Variants in DENND2B observed in about 807,000 individuals in gnomAD.
DENND2B encodes the protein DENN domain containing 2B.
A neutral mutation model predicts 116.0 loss-of-function variants in DENND2B; 32 were observed. That is an observed-to-expected ratio of 0.28 (90% CI 0.21 to 0.37). DENND2B has a LOEUF of 0.37. Ranked by LOEUF, DENND2B falls within the 10% of genes least tolerant of loss-of-function variation. DENND2B has a pLI of 1.00. For synonymous variants in DENND2B, 588 were observed against 583.9 expected (o/e 1.01, Z -0.10); for missense variants, 1,276 against 1,477.7 (o/e 0.86, Z 2.24).
chr11:8,811,214 C>G (rs1198420262), upstream of DENND2B: 2 of 398,582 alleles, frequency 5.0e-6, no homozygotes, highest in Non-Finnish European at 8.8e-6. Context: ...ACTCACATCC[C>G]AGGAGCTCGC....
intron 1 of DENND2B, among the ~76,000 whole-genome samples, chr11:8,806,628 A>ACACACACACACACC (rs2060873472): frequency 6.6e-6 from 1 of 151,646 alleles, no homozygotes; most frequent in Non-Finnish European, 1.5e-5. Flanking sequence ...ACACACACAC[A>ACACACACACACACC]CACACACACA....
upstream of DENND2B, among the ~76,000 whole-genome samples, chr11:8,812,762 T>C (rs1594063983): frequency 6.6e-6 from 1 of 152,282 alleles, no homozygotes; most frequent in East Asian, 1.9e-4. Flanking sequence ...ATGCTGTCCG[T>C]GAAAGCACTC....
At chr11:8,697,485 G>T in intron 17 of DENND2B, 40 bp downstream of exon 17, 1 of 1,518,474 alleles carries the variant, frequency 6.6e-7, no homozygotes, top group Non-Finnish European at 9.1e-7. Context: ...AGCAGAGGGA[G>T]CCTGGAGCAG....
intron 4 of DENND2B, among the ~76,000 whole-genome samples, chr11:8,836,413 CT>C (rs67181023): frequency 0.46 from 35,402 of 76,504 alleles, 7,754 homozygotes; most frequent in Middle Eastern, 0.62. Context: ...TTCTGTACTT[CT>C]TTTTTTTTTT....
intron 4 of DENND2B, chr11:8,835,583 T>C (rs1277632769): frequency 6.6e-6 from 1 of 152,142 alleles, no homozygotes; most frequent in Non-Finnish European, 1.5e-5. Context: ...AGGATGTGAG[T>C]AGGATCTGAA....
At chr11:8,807,183 C>G (rs774426571) in intron 1 of DENND2B, among the ~76,000 whole-genome samples, 7 of 152,174 alleles carry the variant, frequency 4.6e-5, no homozygotes, top group Non-Finnish European at 8.8e-5. Flanking sequence ...TTAGGCCCAA[C>G]GATGGAAATG....
intron 14 of DENND2B, among the ~76,000 whole-genome samples, chr11:8,701,146 C>T (rs932546835): frequency 3.9e-5 from 6 of 152,142 alleles, no homozygotes; most frequent in African/African-American, 1.4e-4. Context: ...CTCTTAGAGC[C>T]AGGCAGGCAA....
chr11:8,893,974 A>G (rs1270440564), intron 1 of DENND2B, among the ~76,000 whole-genome samples: 5 of 151,456 alleles, frequency 3.3e-5, no homozygotes, highest in Non-Finnish European at 7.4e-5. Context: ...AGCTGGAGGC[A>G]TCATGCTACC....
chr11:8,833,805 T>C (rs1331798420), intron 4 of DENND2B, among the ~76,000 whole-genome samples: 2 of 152,146 alleles, frequency 1.3e-5, no homozygotes, highest in African/African-American at 4.8e-5. Context: ...AACATGTCTG[T>C]CTCCCAGCCC....
intron 1 of DENND2B, among the ~76,000 whole-genome samples, chr11:8,907,458 T>C (rs1005294418): frequency 6.6e-6 from 1 of 152,236 alleles, no homozygotes; most frequent in Non-Finnish European, 1.5e-5. Context: ...GTTTACAGGA[T>C]GAATCTTTAA....
intron 4 of DENND2B, among the ~76,000 whole-genome samples, chr11:8,823,281 G>A (rs13377459): frequency 0.24 from 36,608 of 152,044 alleles, 4,764 homozygotes; most frequent in East Asian, 0.34. Context: ...GAGATGCACC[G>A]GCAGCTGGAT....
At chr11:8,734,791 C>CAAAAA (rs11339783) in intron 2 of DENND2B, among the ~76,000 whole-genome samples, 42 of 98,368 alleles carry the variant, frequency 4.3e-4, no homozygotes, top group Non-Finnish European at 5.7e-4. Context: ...ACAAGAGTCT[C>CAAAAA]AAAAAAAAAA....
At chr11:8,894,383 C>A (rs1054522878) in intron 1 of DENND2B, among the ~76,000 whole-genome samples, 4 of 151,976 alleles carry the variant, frequency 2.6e-5, no homozygotes, top group African/African-American at 9.7e-5. Flanking sequence ...GCAACAAAAG[C>A]GAAAATTGAC....
chr11:8,861,217 C>A (rs753896186), intron 2 of DENND2B, among the ~76,000 whole-genome samples: 2 of 152,018 alleles, frequency 1.3e-5, no homozygotes, highest in Non-Finnish European at 2.9e-5. Context: ...GGCTTCTGCA[C>A]AGCAAAAGAA....
intron 1 of DENND2B, chr11:8,895,620 A>AT (rs2064092240): frequency 6.6e-6 from 1 of 152,196 alleles, no homozygotes. Context: ...TGTTTAACGA[A>AT]TACAGAGTTT....
At chr11:8,874,765 A>T (rs2063824654), upstream of DENND2B, among the ~76,000 whole-genome samples, 1 of 152,016 alleles carries the variant, frequency 6.6e-6, no homozygotes. Flanking sequence ...TTAAAAAAAA[A>T]AAAAAATTAG....
At chr11:8,753,444 C>T (rs2134064285) in intron 1 of DENND2B, among the ~76,000 whole-genome samples, 1 of 152,154 alleles carries the variant, frequency 6.6e-6, no homozygotes, top group Middle Eastern at 3.4e-3. Context: ...ATACCATATT[C>T]ATGGATCAGA....
At position 8,713,978 on chromosome 11, in the gene DENND2B, T is replaced by C. The variant is rs2044261228; in HGVS notation, c.1987+20A>G. On this transcript the variant is annotated intron_variant, in intron 8 of 19. Coordinates refer to ENST00000313726, the MANE Select transcript of DENND2B (RefSeq NM_213618.2). ...AGCCCTGCTGGGAGAGCTTCCGTAC[T>C]CATGGGAGCTGTGCCTCACCTTTGA... is the stretch of plus-strand genomic sequence containing the variant. 3.1e-6 allele frequency: 5 copies of C among 1,613,746 alleles called. No homozygotes were observed. In the East Asian group the frequency reaches 1.1e-4, roughly 36 times the overall value.
At chr11:8,758,956 T>C (rs2054098720) in intron 1 of DENND2B, among the ~76,000 whole-genome samples, 1 of 152,188 alleles carries the variant, frequency 6.6e-6, no homozygotes. Context: ...CCTGGCTGCT[T>C]GAAACCCCCA....
Sources: allele counts gnomAD v4.1 joint callset (sites outside exome capture counted in the v4.1 genomes callset), GRCh38; gene constraint gnomAD v4.1.1; transcripts MANE v1.5; gene names NCBI Gene and HGNC (gene_info 2026-07-23, HGNC 2026-07-21).